RALYL: variants seen among roughly 807,000 people sequenced by gnomAD.
RALYL encodes the protein RNA-binding Raly-like protein.
In RALYL, 29 loss-of-function variants were observed where a neutral mutation model predicts 35.1. The ratio of observed to expected loss-of-function variants is 0.83; its 90% CI spans 0.61 to 1.13. RALYL has a LOEUF of 1.13. Among genes scored for constraint, RALYL ranks in the 50% most tolerant of loss-of-function variants. The probability of loss-of-function intolerance (pLI) is 0.00; values close to 1 mark genes in which losing one functional copy is unlikely to be tolerated. For missense variants in RALYL, 359 were observed against 360.4 expected (o/e 1.00, Z 0.03); for synonymous variants, 120 against 127.6 (o/e 0.94, Z 0.40).
At chr8:84,216,024 A>G (rs1820725420) in intron 1 of RALYL, among the ~76,000 whole-genome samples, 1 of 152,122 alleles carries the variant, frequency 6.6e-6, no homozygotes, top group Non-Finnish European at 1.5e-5. Flanking sequence ...AATAAATGAT[A>G]ACTTCAGTAA....
intron 7 of RALYL, among the ~76,000 whole-genome samples, chr8:84,885,288 T>G (rs536066184): frequency 3.0e-4 from 46 of 152,188 alleles, no homozygotes; most frequent in African/African-American, 1.0e-3. Context: ...AACAACTGAG[T>G]CTTCTCTAGA....
chr8:84,581,581 G>A (rs1588322009), intron 2 of RALYL, among the ~76,000 whole-genome samples: 1 of 152,178 alleles, frequency 6.6e-6, no homozygotes, highest in East Asian at 1.9e-4. Context: ...ATCTTAAACA[G>A]CTATTATTAT....
chr8:84,613,958 A>G (rs995656466), intron 2 of RALYL, among the ~76,000 whole-genome samples: 1 of 150,702 alleles, frequency 6.6e-6, no homozygotes, highest in Non-Finnish European at 1.5e-5. Context: ...TCGTTGGTCT[A>G]AAAAGTATAG....
At chr8:84,889,482 A>G (rs1843460850) in intron 8 of RALYL, among the ~76,000 whole-genome samples, 2 of 152,052 alleles carry the variant, frequency 1.3e-5, no homozygotes, top group Admixed American at 6.6e-5. Context: ...TGTACTAGAA[A>G]TTTTCCCTCC....
chr8:84,652,499 AC>A (rs1158288461), intron 2 of RALYL, among the ~76,000 whole-genome samples: 1 of 152,048 alleles, frequency 6.6e-6, no homozygotes, highest in Non-Finnish European at 1.5e-5. Context: ...CCTTTCAATA[AC>A]TTTTACAACA....
chr8:84,761,535 T>C lies in RALYL; in HGVS notation c.257-13044T>C, dbSNP rs190009700. Among the ~76,000 whole-genome samples, 17 of 152,214 alleles carry C rather than the reference T, an allele frequency of 1.1e-4. No individual in the cohort carries two copies. In the East Asian group the frequency reaches 2.9e-3, roughly 26 times the overall value. ...TTTGAAATTATATAATTTTAATAATTTTAATGCCCCCTTTAACTGTAAAGT... is the reference window on the plus strand; with the variant it reads ...TTTGAAATTATATAATTTTAATAATCTTAATGCCCCCTTTAACTGTAAAGT... On this transcript the variant is annotated intron_variant, in intron 2 of 8. Coordinates refer to ENST00000521268, the MANE Select transcript of RALYL (RefSeq NM_173848.7).
chr8:84,216,504 G>A (rs1432757095), intron 1 of RALYL, among the ~76,000 whole-genome samples: 1 of 152,098 alleles, frequency 6.6e-6, no homozygotes, highest in Non-Finnish European at 1.5e-5. Flanking sequence ...ATTTACTACA[G>A]TGAGCAAATT....
chr8:84,461,065 T>C lies in RALYL; in HGVS notation c.-23-68234T>C, dbSNP rs555175502. Among the ~76,000 whole-genome samples the C allele has an allele frequency of 9.2e-5, 14 of 151,798 alleles. No homozygotes were observed. The South Asian group carries it at 2.9e-3, about 31-fold the overall frequency. On this transcript the variant is annotated intron_variant, in intron 1 of 8. Transcript: ENST00000521268. ...CATTTTGAATATATCTTAGTGCATA[T>C]GCATTATTTACATTTGAGCAAGTTG...
chr8:84,765,618 T>C (rs1813734432), intron 2 of RALYL, among the ~76,000 whole-genome samples: 1 of 152,104 alleles, frequency 6.6e-6, no homozygotes, highest in African/African-American at 2.4e-5. Flanking sequence ...CAAAACACTT[T>C]TTGGTGGTAT....
chr8:84,715,858 A>G (rs1842881171), intron 2 of RALYL, among the ~76,000 whole-genome samples: 1 of 152,118 alleles, frequency 6.6e-6, no homozygotes, highest in African/African-American at 2.4e-5. Flanking sequence ...GGAAAACATT[A>G]TATGTGTGTA....
chr8:84,735,096 A>G (rs1846999142), intron 2 of RALYL, among the ~76,000 whole-genome samples: 1 of 151,614 alleles, frequency 6.6e-6, no homozygotes, highest in Admixed American at 6.6e-5. Flanking sequence ...TCAGAAGCAC[A>G]GTTTCATTTG....
chr8:84,612,206 T>C (rs1297079212), intron 2 of RALYL, among the ~76,000 whole-genome samples: 1 of 152,042 alleles, frequency 6.6e-6, no homozygotes, highest in East Asian at 1.9e-4. Context: ...TCATAACTTC[T>C]GGCTCTGGTG....
chr8:84,474,678 G>T (rs1306501097), intron 1 of RALYL, among the ~76,000 whole-genome samples: 3 of 152,052 alleles, frequency 2.0e-5, no homozygotes, highest in Non-Finnish European at 1.5e-5. Context: ...TCAGTCTCAT[G>T]ACATTGTAAA....
At chr8:84,357,450 G>C (rs1278003582) in intron 1 of RALYL, among the ~76,000 whole-genome samples, 1 of 151,864 alleles carries the variant, frequency 6.6e-6, no homozygotes, top group Non-Finnish European at 1.5e-5. Flanking sequence ...AGCCCTAAAA[G>C]AATCTAATGA....
intron 2 of RALYL, among the ~76,000 whole-genome samples, chr8:84,710,975 G>A (rs1007854634): frequency 6.6e-6 from 1 of 152,088 alleles, no homozygotes; most frequent in Admixed American, 6.6e-5. Context: ...ATGGAGTTTT[G>A]GAATGTGGAG....
At chr8:84,820,031 A>G (rs1828183060) in intron 4 of RALYL, among the ~76,000 whole-genome samples, 1 of 152,198 alleles carries the variant, frequency 6.6e-6, no homozygotes, top group East Asian at 1.9e-4. Flanking sequence ...ATAGAATTTA[A>G]AAAATCAATC....
At chr8:84,639,213 C>T (rs1461547891) in intron 2 of RALYL, among the ~76,000 whole-genome samples, 1 of 151,200 alleles carries the variant, frequency 6.6e-6, no homozygotes, top group African/African-American at 2.4e-5. Context: ...GGCTGTGGGG[C>T]AGTTAACTTA....
At chr8:84,380,795 C>T (rs1482658667) in intron 1 of RALYL, among the ~76,000 whole-genome samples, 1 of 151,882 alleles carries the variant, frequency 6.6e-6, no homozygotes, top group African/African-American at 2.4e-5. Flanking sequence ...TTAGTCATCA[C>T]AGGTGTCCTT....
chr8:84,890,560 A>T (rs1843650272), intron 8 of RALYL, among the ~76,000 whole-genome samples: 1 of 152,210 alleles, frequency 6.6e-6, no homozygotes, highest in African/African-American at 2.4e-5. Flanking sequence ...AGAACTTTGT[A>T]AAAACGCAGA....
Sources: gnomAD v4.1 joint callset for allele counts (sites outside exome capture counted in the v4.1 genomes callset) on GRCh38, gnomAD v4.1.1 for gene constraint, MANE v1.5 for transcripts, NCBI Gene and HGNC (gene_info 2026-07-23, HGNC 2026-07-21) for gene names.